DCUN1D1: variants seen among roughly 807,000 people sequenced by gnomAD.
DCUN1D1 encodes the protein defective in cullin neddylation 1 domain containing 1.
Under a neutral mutation model 39.0 loss-of-function variants are expected in DCUN1D1, and 3 were observed. That is an observed-to-expected ratio of 0.08 (90% CI 0.04 to 0.20). DCUN1D1 has a LOEUF of 0.20. Ranked by LOEUF, DCUN1D1 falls within the 10% of genes least tolerant of loss-of-function variation. DCUN1D1 has a pLI of 1.00. For synonymous variants in DCUN1D1, 82 were observed against 96.3 expected (o/e 0.85, Z 0.87); for missense variants, 158 against 302.4 (o/e 0.52, Z 3.54).
At chr3:182,977,977 T>A (rs918730926) in intron 1 of DCUN1D1, among the ~76,000 whole-genome samples, 1 of 151,078 alleles carries the variant, frequency 6.6e-6, no homozygotes, top group African/African-American at 2.4e-5. Context: ...GAGGCACGGG[T>A]TGCAGTGAGC....
intron 1 of DCUN1D1, among the ~76,000 whole-genome samples, chr3:182,966,449 T>C (rs1022622454): frequency 1.3e-5 from 2 of 152,114 alleles, no homozygotes; most frequent in Non-Finnish European, 2.9e-5. Context: ...AATCACTTCA[T>C]TCCCTTAGCC....
intron 4 of DCUN1D1, among the ~76,000 whole-genome samples, chr3:182,957,381 C>A (rs949073155): frequency 6.6e-6 from 1 of 152,192 alleles, no homozygotes; most frequent in Admixed American, 6.5e-5. Context: ...AATCCCAAGA[C>A]TTTGGGAGGC....
At chr3:182,980,007 A>C in intron 1 of DCUN1D1, 1 of 222,328 alleles carries the variant, frequency 4.5e-6, no homozygotes, top group Non-Finnish European at 7.6e-6. Context: ...CGCGCCGGGA[A>C]AGTCTTTCCT....
chr3:182,947,133 G>A (rs751326002), intron 6 of DCUN1D1, 105 bp downstream of exon 6: 41 of 604,380 alleles, frequency 6.8e-5, no homozygotes, highest in African/African-American at 2.5e-4. Flanking sequence ...AAAGCTCAGC[G>A]GAGGGAATTC....
rs765918758 is a variant in DCUN1D1 at position 182,964,090 on chromosome 3, A to G, written c.221-41T>C. 8 of 1,522,192 alleles carry G rather than the reference A, an allele frequency of 5.3e-6. No homozygotes were observed. The Admixed American group carries it at 1.4e-4, about 28-fold the overall frequency. The allele number at this position is 1,522,192 out of a possible 1,614,324, so 94.3% of individuals were successfully genotyped here. On this transcript the variant is annotated intron_variant, in intron 2 of 6. Coordinates refer to ENST00000292782, the MANE Select transcript of DCUN1D1 (RefSeq NM_020640.4). ...TGCAATATTAAAGTAGTGTCATATTATGCTACATTATGAAAACTGAAAAAG... is the reference window on the plus strand; with the variant it reads ...TGCAATATTAAAGTAGTGTCATATTGTGCTACATTATGAAAACTGAAAAAG...
At chr3:182,982,437 A>G (rs753787966), upstream of DCUN1D1, among the ~76,000 whole-genome samples, 1 of 152,190 alleles carries the variant, frequency 6.6e-6, no homozygotes, top group Non-Finnish European at 1.5e-5. Flanking sequence ...TCACAGGTCC[A>G]TCAAGCTCAC....
At chr3:182,979,595 C>CT (rs1553846257) in intron 1 of DCUN1D1, among the ~76,000 whole-genome samples, 24,922 of 134,254 alleles carry the variant, frequency 0.19, 2,778 homozygotes, top group East Asian at 0.51. Flanking sequence ...CTGGAGAGGA[C>CT]TTTTTCCCCC....
chr3:182,952,605 C>T (rs1726812235), intron 4 of DCUN1D1, among the ~76,000 whole-genome samples: 1 of 152,058 alleles, frequency 6.6e-6, no homozygotes, highest in South Asian at 2.1e-4. Context: ...CAATGGAACA[C>T]TTCTCATTAG....
chr3:182,964,341 T>C (rs1432313515), intron 2 of DCUN1D1, among the ~76,000 whole-genome samples: 2 of 152,206 alleles, frequency 1.3e-5, no homozygotes, highest in South Asian at 2.1e-4. Flanking sequence ...CATTCGTATA[T>C]AGGGACATGG....
intron 3 of DCUN1D1, among the ~76,000 whole-genome samples, chr3:182,962,129 T>C (rs772285232): frequency 1.3e-5 from 2 of 152,254 alleles, no homozygotes; most frequent in Non-Finnish European, 2.9e-5. Flanking sequence ...GTTCATTACA[T>C]ATTACATGAA....
At chr3:182,974,763 T>TAA (rs11425594) in intron 1 of DCUN1D1, among the ~76,000 whole-genome samples, 256 of 147,038 alleles carry the variant, frequency 1.7e-3, no homozygotes, top group Middle Eastern at 3.4e-3. Flanking sequence ...TAATAGACTT[T>TAA]AAAAAAAAAA....
chr3:182,951,264 C>A (rs967110180), intron 4 of DCUN1D1, among the ~76,000 whole-genome samples: 1 of 151,980 alleles, frequency 6.6e-6, no homozygotes, highest in Non-Finnish European at 1.5e-5. Flanking sequence ...AAGCATATTG[C>A]TAGTATATTT....
At chr3:182,946,737 T>G (rs1008232253) in intron 6 of DCUN1D1, among the ~76,000 whole-genome samples, 3 of 151,776 alleles carry the variant, frequency 2.0e-5, no homozygotes, top group Admixed American at 1.3e-4. Context: ...CTGGAAGACA[T>G]GAATGCTGAG....
chr3:182,972,621 G>A (rs1274725240), intron 1 of DCUN1D1, among the ~76,000 whole-genome samples: 1 of 152,086 alleles, frequency 6.6e-6, no homozygotes, highest in Non-Finnish European at 1.5e-5. Flanking sequence ...CACAGCTGTA[G>A]TTCCAGCTAC....
At chr3:182,962,007 C>G (rs1727422700) in intron 3 of DCUN1D1, among the ~76,000 whole-genome samples, 1 of 152,182 alleles carries the variant, frequency 6.6e-6, no homozygotes, top group Non-Finnish European at 1.5e-5. Context: ...ATTCCACAAA[C>G]AAATCAATTC....
upstream of DCUN1D1, among the ~76,000 whole-genome samples, chr3:182,982,224 A>G (rs1728578589): frequency 6.6e-6 from 1 of 152,086 alleles, no homozygotes; most frequent in Non-Finnish European, 1.5e-5. Flanking sequence ...CTTCTCCTGC[A>G]TCTCCTCTTT....
At chr3:182,948,669 T>G (rs1203568546) in intron 4 of DCUN1D1, among the ~76,000 whole-genome samples, 2 of 152,224 alleles carry the variant, frequency 1.3e-5, no homozygotes, top group African/African-American at 4.8e-5. Context: ...TATTGATAGA[T>G]GACATCTCGA....
intron 4 of DCUN1D1, 55 bp downstream of exon 4, chr3:182,961,171 G>T (rs969372083): frequency 1.7e-6 from 2 of 1,211,094 alleles, no homozygotes; most frequent in Non-Finnish European, 2.3e-6. Flanking sequence ...AAACGACACT[G>T]TCAATGTATT....
intron 4 of DCUN1D1, among the ~76,000 whole-genome samples, chr3:182,950,308 C>T (rs947818013): frequency 2.0e-5 from 3 of 151,850 alleles, no homozygotes; most frequent in Non-Finnish European, 4.4e-5. Context: ...CCACCACGAC[C>T]GGCTAATTTT....
Sources: gnomAD v4.1 joint callset for allele counts (sites outside exome capture counted in the v4.1 genomes callset) on GRCh38, gnomAD v4.1.1 for gene constraint, MANE v1.5 for transcripts, NCBI Gene and HGNC (gene_info 2026-07-23, HGNC 2026-07-21) for gene names.